Variants in SCMH1 observed in about 807,000 individuals in gnomAD.
SCMH1 encodes polycomb protein SCMH1.
Under a neutral mutation model 70.8 loss-of-function variants are expected in SCMH1, and 37 were observed. That is an observed-to-expected ratio of 0.52 (90% confidence interval 0.40 to 0.69). The LOEUF (loss-of-function observed/expected upper bound fraction) is 0.69, where lower values mean the gene tolerates loss of function less well. SCMH1 is among the 30% of genes least tolerant of loss of function. The probability of loss-of-function intolerance (pLI) is 0.00; values close to 1 mark genes in which losing one functional copy is unlikely to be tolerated. For synonymous variants in SCMH1, 292 were observed against 307.4 expected, an observed-to-expected ratio of 0.95 and a Z score of 0.52; for missense variants, 607 against 827.3, an observed-to-expected ratio of 0.73 and a Z score of 3.27.
At chr1:41,141,544 A>G (rs577593540) in intron 6 of SCMH1, among the ~76,000 whole-genome samples, 61 of 152,374 alleles carry the variant, frequency 4.0e-4, no homozygotes, top group African/African-American at 1.4e-3. Context: ...TTATGAAAAA[A>G]TTGAACCAGA....
At chr1:41,070,327 C>G (rs542073944) in intron 10 of SCMH1, among the ~76,000 whole-genome samples, 2 of 152,180 alleles carry the variant, frequency 1.3e-5, no homozygotes, top group East Asian at 3.9e-4. Flanking sequence ...GAAGGAACAC[C>G]CCTAACTGGG....
At chr1:41,217,279 A>C (rs780180180) in intron 1 of SCMH1, among the ~76,000 whole-genome samples, 1 of 152,242 alleles carries the variant, frequency 6.6e-6, no homozygotes, top group Non-Finnish European at 1.5e-5. Flanking sequence ...AGTAGAACTT[A>C]CAAGTGATAA....
At chr1:41,241,084 T>C (rs954527709) in intron 1 of SCMH1, among the ~76,000 whole-genome samples, 4 of 152,234 alleles carry the variant, frequency 2.6e-5, no homozygotes, top group Non-Finnish European at 4.4e-5. Flanking sequence ...TTTCAACTTA[T>C]AACCAAATGT....
intron 1 of SCMH1, among the ~76,000 whole-genome samples, chr1:41,219,877 GCTGAGA>G (rs1658888208): frequency 6.6e-6 from 1 of 151,582 alleles, no homozygotes; most frequent in South Asian, 2.1e-4. Context: ...GTTGCAGTGA[GCTGAGA>G]CTGTGCCATT....
intron 2 of SCMH1, among the ~76,000 whole-genome samples, chr1:41,178,637 A>G (rs1237489743): frequency 2.6e-5 from 4 of 152,256 alleles, no homozygotes; most frequent in Admixed American, 1.3e-4. Flanking sequence ...AGAGACAAAG[A>G]AGGCCATTAC....
At chr1:41,158,901 T>A (rs1253070033) in intron 4 of SCMH1, among the ~76,000 whole-genome samples, 1 of 152,140 alleles carries the variant, frequency 6.6e-6, no homozygotes, top group Non-Finnish European at 1.5e-5. Flanking sequence ...CCCTGTTTCA[T>A]ATGGCCAGAA....
intron 13 of SCMH1, among the ~76,000 whole-genome samples, chr1:41,033,732 C>CT (rs2148532406): frequency 6.6e-6 from 1 of 152,344 alleles, no homozygotes; most frequent in South Asian, 2.1e-4. Context: ...CATCCAAATT[C>CT]TTTAAGACAA....
At chr1:41,207,503 T>G (rs1187484525) in intron 1 of SCMH1, among the ~76,000 whole-genome samples, 3 of 152,216 alleles carry the variant, frequency 2.0e-5, no homozygotes, top group Non-Finnish European at 4.4e-5. Flanking sequence ...ATCCTAAATA[T>G]ATATGTATCC....
chr1:41,152,255 G>T (rs1192798912), intron 4 of SCMH1, among the ~76,000 whole-genome samples: 1 of 152,118 alleles, frequency 6.6e-6, no homozygotes, highest in African/African-American at 2.4e-5. Flanking sequence ...ACCTACCCCC[G>T]CTGCACCCCC....
At chr1:41,104,075 T>C (rs1054389843) in intron 8 of SCMH1, among the ~76,000 whole-genome samples, 2 of 152,192 alleles carry the variant, frequency 1.3e-5, no homozygotes, top group African/African-American at 4.8e-5. Flanking sequence ...TCCCTTTTCT[T>C]GGGAGGCCTG....
intron 12 of SCMH1, among the ~76,000 whole-genome samples, chr1:41,044,758 T>C (rs1002358385): frequency 6.6e-6 from 1 of 152,022 alleles, no homozygotes; most frequent in Non-Finnish European, 1.5e-5. Flanking sequence ...CTGGCTAAAG[T>C]TTGCTTCCTC....
At chr1:41,206,767 A>G (rs1219660138) in intron 1 of SCMH1, among the ~76,000 whole-genome samples, 2 of 152,228 alleles carry the variant, frequency 1.3e-5, no homozygotes, top group African/African-American at 4.8e-5. Context: ...GAAATCAAGG[A>G]AAAAATGTTA....
chr1:41,074,043 G>A (rs562420334), intron 9 of SCMH1, among the ~76,000 whole-genome samples: 82 of 151,562 alleles, frequency 5.4e-4, no homozygotes, highest in Middle Eastern at 3.4e-3. Flanking sequence ...GATGCTAAAA[G>A]GGGCCCTAGA....
At chr1:41,231,011 T>A (rs1264233652) in intron 1 of SCMH1, among the ~76,000 whole-genome samples, 1 of 152,196 alleles carries the variant, frequency 6.6e-6, no homozygotes, top group Non-Finnish European at 1.5e-5. Flanking sequence ...GCACAAATGA[T>A]AGTCCCTAAA....
At chr1:41,235,569 TAAAAAAAAAA>T (rs61093555) in intron 1 of SCMH1, among the ~76,000 whole-genome samples, 3,691 of 43,088 alleles carry the variant, frequency 0.086, 205 homozygotes, top group African/African-American at 0.19. Context: ...AGACTCCGTC[TAAAAAAAAAA>T]AAAAAAAAAA....
At chr1:41,145,797 G>A (rs1003097402) in intron 5 of SCMH1, among the ~76,000 whole-genome samples, 1 of 152,014 alleles carries the variant, frequency 6.6e-6, no homozygotes, top group African/African-American at 2.4e-5. Context: ...CTGTCTTAAG[G>A]TCCTAGAGCA....
At chr1:41,218,823 T>C (rs1426336199) in intron 1 of SCMH1, among the ~76,000 whole-genome samples, 2 of 152,236 alleles carry the variant, frequency 1.3e-5, no homozygotes, top group South Asian at 2.1e-4. Flanking sequence ...CTTTCTCTTA[T>C]GTACCATGTG....
intron 9 of SCMH1, among the ~76,000 whole-genome samples, chr1:41,074,903 C>A (rs562469088): frequency 6.6e-6 from 1 of 152,310 alleles, no homozygotes; most frequent in South Asian, 2.1e-4. Context: ...CGCTCTGTCA[C>A]CCAGGCTGCA....
chr1:41,152,785 T>A, intron 4 of SCMH1: 1 of 1,524,484 alleles, frequency 6.6e-7, no homozygotes, highest in Non-Finnish European at 8.8e-7. Context: ...TCTAAATCAC[T>A]CCAAAGATGA....
Sources: allele counts gnomAD v4.1 joint callset (sites outside exome capture counted in the v4.1 genomes callset), GRCh38; gene constraint gnomAD v4.1.1; transcripts MANE v1.5; gene names NCBI Gene and HGNC (gene_info 2026-07-23, HGNC 2026-07-21).